RORA: variants seen among roughly 807,000 people sequenced by gnomAD.
The protein encoded by RORA is RAR related orphan receptor A.
A neutral mutation model predicts 69.5 loss-of-function variants in RORA; 7 were observed. The observed-to-expected ratio is 0.10, with a 90% CI of 0.06 to 0.19. RORA has a LOEUF of 0.19. Among genes scored for constraint, RORA ranks in the 10% least tolerant of loss-of-function variants. The pLI is 1.00. For missense variants in RORA, 457 were observed against 663.0 expected (o/e 0.69, Z 3.41); for synonymous variants, 261 against 240.8 (o/e 1.08, Z -0.78).
chr15:60,611,032 G>A (rs1380728526), intron 2 of RORA, among the ~76,000 whole-genome samples: 4 of 152,176 alleles, frequency 2.6e-5, no homozygotes, highest in Non-Finnish European at 5.9e-5. Context: ...TAAAGTGTAT[G>A]GGCCAGTGGT....
chr15:60,978,072 CACAA>C (rs766977779), intron 1 of RORA, among the ~76,000 whole-genome samples: 4 of 152,126 alleles, frequency 2.6e-5, no homozygotes, highest in African/African-American at 7.2e-5. Flanking sequence ...TATACATTCC[CACAA>C]ACAATGATTA....
At chr15:60,524,011 C>G (rs1595909422) in intron 3 of RORA, among the ~76,000 whole-genome samples, 1 of 149,032 alleles carries the variant, frequency 6.7e-6, no homozygotes, top group Admixed American at 6.7e-5. Context: ...TCCCAGCTGT[C>G]CTCTCCAGTG....
chr15:61,124,209 A>T (rs533828460), intron 1 of RORA, among the ~76,000 whole-genome samples: 1 of 152,348 alleles, frequency 6.6e-6, no homozygotes, highest in Non-Finnish European at 1.5e-5. Flanking sequence ...TCCTTTAAGC[A>T]ATTCCCTTAT....
intron 1 of RORA, among the ~76,000 whole-genome samples, chr15:61,040,030 T>TC (rs1896663679): frequency 6.8e-6 from 1 of 146,856 alleles, no homozygotes; most frequent in African/African-American, 2.5e-5. Context: ...ATTACATTCC[T>TC]CCCCAAACAT....
At chr15:60,635,258 T>C (rs995904844) in intron 2 of RORA, among the ~76,000 whole-genome samples, 5 of 152,238 alleles carry the variant, frequency 3.3e-5, no homozygotes, top group Non-Finnish European at 7.3e-5. Flanking sequence ...TAATGTGCTG[T>C]TTTAACTTAT....
At chr15:60,900,409 G>A (rs1891354824) in intron 1 of RORA, among the ~76,000 whole-genome samples, 1 of 152,170 alleles carries the variant, frequency 6.6e-6, no homozygotes, top group African/African-American at 2.4e-5. Context: ...GAAAAATGTG[G>A]ATTGCTATTT....
At chr15:61,011,460 C>T (rs1335478753) in intron 1 of RORA, among the ~76,000 whole-genome samples, 1 of 152,114 alleles carries the variant, frequency 6.6e-6, no homozygotes, top group African/African-American at 2.4e-5. Context: ...ATAAATCTCA[C>T]TTTAGGTATC....
intron 1 of RORA, among the ~76,000 whole-genome samples, chr15:60,836,310 C>A (rs924536404): frequency 6.6e-6 from 1 of 152,162 alleles, no homozygotes; most frequent in Non-Finnish European, 1.5e-5. Context: ...AAAAAAGGAA[C>A]TTCCGTCTTG....
intron 1 of RORA, among the ~76,000 whole-genome samples, chr15:60,973,820 C>G (rs555892941): frequency 1.7e-4 from 26 of 152,304 alleles, no homozygotes; most frequent in African/African-American, 5.5e-4. Context: ...AACCGTGGGT[C>G]GGAGACATGA....
chr15:60,579,775 A>G (rs2068137715), intron 2 of RORA, among the ~76,000 whole-genome samples: 1 of 152,030 alleles, frequency 6.6e-6, no homozygotes, highest in Non-Finnish European at 1.5e-5. Flanking sequence ...ATGCTCCCCT[A>G]AAGAGGCCTT....
Position 60,502,742 on chromosome 15 carries a change from A to C in RORA, c.1183+18T>G. On this transcript the variant is annotated intron_variant, in intron 8 of 10. Transcript: ENST00000335670. The stretch of plus-strand genomic sequence containing the variant: ...TATAGCCCTGATTTGAAGAAAAGGC[A>C]CCTTGATATCCCCTTACCTAAGGAT... The C allele has an allele frequency of 6.8e-7, 1 of 1,460,946 alleles. No homozygotes were observed. Among genetic ancestry groups the C allele is most frequent in the East Asian group, 2.3e-5 (1 of 44,176 alleles). 90.5% of individuals were successfully genotyped at this position (1,460,946 alleles called of 1,614,324 possible).
rs545230679 is a variant in RORA at position 61,180,113 on chromosome 15, G to T, written c.166+48940C>A. Among the ~76,000 whole-genome samples the T allele has an allele frequency of 1.5e-4, 19 of 129,356 alleles. No homozygotes were observed. The South Asian group carries it at 4.8e-3, about 33-fold the overall frequency. The allele number at this position is 129,356 out of a possible 152,430, so 84.9% of individuals were successfully genotyped here. ...GAGCCAAGATCATGCCACTGCACTC[G>T]AGCCTGGGCAACAGAGCAAGACTCC... On this transcript the variant is annotated intron_variant, in intron 1 of 10. Coordinates refer to ENST00000335670, the MANE Select transcript of RORA (RefSeq NM_134261.3).
At chr15:60,870,485 G>T (rs146746993) in intron 1 of RORA, among the ~76,000 whole-genome samples, 1 of 152,222 alleles carries the variant, frequency 6.6e-6, no homozygotes, top group Non-Finnish European at 1.5e-5. Context: ...ACCCAAGGAG[G>T]TAGTGGAAGT....
At chr15:60,595,115 G>T (rs1465738268) in intron 2 of RORA, among the ~76,000 whole-genome samples, 1 of 151,792 alleles carries the variant, frequency 6.6e-6, no homozygotes, top group African/African-American at 2.4e-5. Flanking sequence ...GGAGTAAAAG[G>T]GAACATCTCC....
At chr15:60,608,946 A>G (rs148650239) in intron 2 of RORA, among the ~76,000 whole-genome samples, 6 of 152,324 alleles carry the variant, frequency 3.9e-5, no homozygotes, top group African/African-American at 1.4e-4. Flanking sequence ...ACCGAGAAAC[A>G]CACACAGTTT....
At chr15:61,008,201 C>CTGTGTG (rs1388505353) in intron 1 of RORA, among the ~76,000 whole-genome samples, 7 of 106,594 alleles carry the variant, frequency 6.6e-5, no homozygotes, top group African/African-American at 2.2e-4. Flanking sequence ...TTCTCTCTCT[C>CTGTGTG]TCTGTGTGTG....
intron 1 of RORA, among the ~76,000 whole-genome samples, chr15:60,984,800 T>C (rs1398364566): frequency 2.2e-5 from 2 of 92,190 alleles, no homozygotes; most frequent in Admixed American, 2.5e-4. Flanking sequence ...ACTACATATG[T>C]CTTTTTTTTT....
intron 1 of RORA, among the ~76,000 whole-genome samples, chr15:60,897,787 C>T (rs544829970): frequency 2.4e-4 from 36 of 152,290 alleles, no homozygotes; most frequent in East Asian, 1.2e-3. Flanking sequence ...ATTTACACAG[C>T]GAAGGAGCTA....
At chr15:60,644,832 T>C (rs2070008980) in intron 2 of RORA, among the ~76,000 whole-genome samples, 1 of 152,116 alleles carries the variant, frequency 6.6e-6, no homozygotes, top group African/African-American at 2.4e-5. Flanking sequence ...GAGCCTGATT[T>C]CAGTGGCTGG....
Sources: allele counts gnomAD v4.1 joint callset (sites outside exome capture counted in the v4.1 genomes callset), GRCh38; gene constraint gnomAD v4.1.1; transcripts MANE v1.5; gene names NCBI Gene and HGNC (gene_info 2026-07-23, HGNC 2026-07-21).